The following CD247 variants were observed in gnomAD, a reference collection of about 807,000 sequenced individuals.
CD247 encodes CD247 molecule.
In CD247, 13 loss-of-function variants were observed where a neutral mutation model predicts 30.0. The observed-to-expected ratio is 0.43, with a 90% confidence interval of 0.28 to 0.69. CD247 has a LOEUF of 0.69. Among genes scored for constraint, CD247 ranks in the 30% least tolerant of loss-of-function variants. The probability of loss-of-function intolerance (pLI) is 0.16; values close to 1 mark genes in which losing one functional copy is unlikely to be tolerated. For synonymous variants in CD247, 72 were observed against 80.0 expected, an observed-to-expected ratio of 0.90 and a Z score of 0.53; for missense variants, 193 against 212.6, an observed-to-expected ratio of 0.91 and a Z score of 0.57.
At chr1:167,469,144 G>T (rs137907088) in intron 1 of CD247, among the ~76,000 whole-genome samples, 2 of 152,044 alleles carry the variant, frequency 1.3e-5, no homozygotes, top group African/African-American at 4.8e-5. Flanking sequence ...CACAGTGCCC[G>T]GCTAATTTTT....
At chr1:167,475,556 G>T (rs542472741) in intron 1 of CD247, among the ~76,000 whole-genome samples, 1 of 152,194 alleles carries the variant, frequency 6.6e-6, no homozygotes, top group African/African-American at 2.4e-5. Context: ...AGTGGCTTTT[G>T]GTGTCACCAA....
intron 1 of CD247, among the ~76,000 whole-genome samples, chr1:167,506,259 TTCTTTTCTTTTC>T (rs1655116844): frequency 5.7e-4 from 12 of 21,060 alleles, no homozygotes; most frequent in Admixed American, 4.8e-3. Flanking sequence ...TTCTTTTCTT[TTCTTTTCTTTTC>T]CTTTTCTTTT....
chr1:167,496,929 C>T (rs559964224), intron 1 of CD247, among the ~76,000 whole-genome samples: 60 of 152,096 alleles, frequency 3.9e-4, no homozygotes, highest in African/African-American at 1.2e-3. Context: ...AAGCAGGCCC[C>T]GGAGAGCGGG....
chr1:167,480,600 C>T (rs1432888804), intron 1 of CD247, among the ~76,000 whole-genome samples: 1 of 152,186 alleles, frequency 6.6e-6, no homozygotes, highest in East Asian at 1.9e-4. Context: ...GTGGGATATC[C>T]TGCTCAGGTG....
chr1:167,516,936 G>C (rs1655630431), intron 1 of CD247, among the ~76,000 whole-genome samples: 1 of 152,214 alleles, frequency 6.6e-6, no homozygotes, highest in African/African-American at 2.4e-5. Context: ...AAATGGACCA[G>C]TGAGGAAACT....
chr1:167,457,682 G>A (rs1160422767), intron 1 of CD247: 1 of 152,222 alleles, frequency 6.6e-6, no homozygotes, highest in Non-Finnish European at 1.5e-5. Context: ...GCCTTTCTTA[G>A]CTTTCATCTT....
chr1:167,467,966 G>A (rs576041677), intron 1 of CD247, among the ~76,000 whole-genome samples: 2 of 152,048 alleles, frequency 1.3e-5, no homozygotes, highest in Non-Finnish European at 2.9e-5. Context: ...AGGCGCAAAA[G>A]CAAATAATAA....
intron 1 of CD247, among the ~76,000 whole-genome samples, chr1:167,452,967 A>C (rs1652427435): frequency 6.7e-6 from 1 of 148,240 alleles, no homozygotes; most frequent in Non-Finnish European, 1.5e-5. Flanking sequence ...ATGCATGTAC[A>C]TATATACATA....
chr1:167,438,562 AC>A lies in CD247; in HGVS notation c.300+7del, dbSNP rs1651659262. Reference sequence around the variant, plus strand: ...CAGGAACACACAGGAAGGTAGAGGAACCCCTACCGGCTTTCCCCCCATCTCA... The same window carrying A: ...CAGGAACACACAGGAAGGTAGAGGAACCCTACCGGCTTTCCCCCCATCTCA... On this transcript the variant is annotated splice_region_variant and intron_variant, in intron 4 of 7. Transcript: ENST00000362089. The A allele has an allele frequency of 6.2e-7, 1 of 1,607,678 alleles. No individual in the cohort carries two copies. The highest frequency in any genetic ancestry group is 8.5e-7 in the Non-Finnish European group (1 of 1,174,312).
chr1:167,459,820 C>T (rs1342824293), intron 1 of CD247: 2 of 152,184 alleles, frequency 1.3e-5, no homozygotes, highest in African/African-American at 4.8e-5. Flanking sequence ...TTCAGATGCT[C>T]TGTAGTTCTT....
rs182084389 is a variant in CD247 at position 167,503,379 on chromosome 1, G to A, written c.58+15029C>T. Among the ~76,000 whole-genome samples, 21 of 152,272 alleles carry A rather than the reference G, an allele frequency of 1.4e-4. No homozygotes were observed. The East Asian group carries it at 4.0e-3, about 29-fold the overall frequency. On this transcript the variant is annotated intron_variant, in intron 1 of 7. Coordinates refer to ENST00000362089, the MANE Select transcript of CD247 (RefSeq NM_198053.3). ...AACTTCCTCTTAGAGCCCTCACTCT[G>A]TATTCTGCAGGTCACTTAATAGGTG...
At chr1:167,440,555 C>T (rs923353432) in intron 2 of CD247, 109 bp downstream of exon 2, 5 of 747,948 alleles carry the variant, frequency 6.7e-6, no homozygotes. Flanking sequence ...TCCTGGATAC[C>T]AAGCCCCAGG....
At chr1:167,473,388 G>T (rs186268422) in intron 1 of CD247, among the ~76,000 whole-genome samples, 1 of 152,212 alleles carries the variant, frequency 6.6e-6, no homozygotes, top group Non-Finnish European at 1.5e-5. Flanking sequence ...AAATAAGGTT[G>T]CTTCCTGCCT....
chr1:167,473,200 C>T (rs1192365201), intron 1 of CD247, among the ~76,000 whole-genome samples: 2 of 152,138 alleles, frequency 1.3e-5, no homozygotes, highest in Non-Finnish European at 2.9e-5. Context: ...TTCACACTCC[C>T]TCTTACACCC....
At chr1:167,434,570 G>A (rs1235883501) in intron 5 of CD247, 3 of 359,878 alleles carry the variant, frequency 8.3e-6, no homozygotes, top group Non-Finnish European at 1.1e-5. Flanking sequence ...CAGGGTTCAG[G>A]GTCACACCCA....
chr1:167,505,816 C>A (rs966904656), intron 1 of CD247, among the ~76,000 whole-genome samples: 1 of 152,208 alleles, frequency 6.6e-6, no homozygotes, highest in Admixed American at 6.5e-5. Context: ...AAAGCCATCC[C>A]CTTCATGGAC....
chr1:167,430,864 A>G lies in CD247; in HGVS notation c.*817T>C. 2.5e-6 allele frequency: 1 copy of G among 398,818 alleles called. No homozygotes were observed. The highest frequency in any genetic ancestry group is 4.4e-6 in the Non-Finnish European group (1 of 226,198). The allele number at this position is 398,818 out of a possible 1,614,324, so 24.7% of individuals were successfully genotyped here. A position where few individuals can be genotyped will look rare whatever the true frequency, so the allele number is the denominator to read the frequency against. On this transcript the variant is annotated 3_prime_UTR_variant, in exon 8 of 8. Coordinates refer to ENST00000362089, the MANE Select transcript of CD247 (RefSeq NM_198053.3). ...TGTTGGGTCTTCCTGCGAGGCCTTC[A>G]CAAAGATGATTTTGTCATTCGCTGA...
At chr1:167,431,874 A>G in intron 7 of CD247, 128 bp from the exon 8 acceptor site, 1 of 811,862 alleles carries the variant, frequency 1.2e-6, no homozygotes, top group Non-Finnish European at 2.2e-6. Flanking sequence ...CCAGAGGCCC[A>G]GGAATAATCC....
intron 1 of CD247, among the ~76,000 whole-genome samples, chr1:167,516,638 T>C (rs1273017576): frequency 6.6e-6 from 1 of 152,186 alleles, no homozygotes; most frequent in Non-Finnish European, 1.5e-5. Flanking sequence ...CCGTACCTCG[T>C]TTCTGGGCTA....
Sources: gnomAD v4.1 joint callset for allele counts (sites outside exome capture counted in the v4.1 genomes callset) on GRCh38, gnomAD v4.1.1 for gene constraint, MANE v1.5 for transcripts, NCBI Gene and HGNC (gene_info 2026-07-23, HGNC 2026-07-21) for gene names.